CDCP1: variants seen among roughly 807,000 people sequenced by gnomAD.
CDCP1 encodes the protein CUB domain containing protein 1.
In CDCP1, 29 loss-of-function variants were observed where a neutral mutation model predicts 60.2. The ratio of observed to expected loss-of-function variants is 0.48; its 90% CI spans 0.36 to 0.66. The LOEUF is 0.66. Among genes scored for constraint, CDCP1 ranks in the 30% least tolerant of loss-of-function variants. The pLI, the probability that CDCP1 is intolerant of heterozygous loss-of-function variation, is 0.00. For missense variants in CDCP1, 876 were observed against 1,074.3 expected, an observed-to-expected ratio of 0.82 and a Z score of 2.58; for synonymous variants, 387 against 431.1, an observed-to-expected ratio of 0.90 and a Z score of 1.27.
At chr3:45,101,484 T>G (rs1698484337) in intron 4 of CDCP1, among the ~76,000 whole-genome samples, 1 of 152,178 alleles carries the variant, frequency 6.6e-6, no homozygotes, top group South Asian at 2.1e-4. Context: ...GGGACTGGCT[T>G]CATGCAGCTC....
chr3:45,126,192 C>CGCTT (rs1698995213), intron 1 of CDCP1, among the ~76,000 whole-genome samples: 1 of 36,690 alleles, frequency 2.7e-5, no homozygotes, highest in Non-Finnish European at 5.4e-5. Flanking sequence ...CTCTCTCTCT[C>CGCTT]TCTTTCTTTC....
chr3:45,136,411 A>G (rs76360166), intron 1 of CDCP1, among the ~76,000 whole-genome samples: 302 of 152,366 alleles, frequency 2.0e-3, no homozygotes, highest in Non-Finnish European at 2.8e-3. Flanking sequence ...GAACAAAACT[A>G]GCTAGAAAAT....
At chr3:45,103,585 A>C (rs991564691) in intron 4 of CDCP1, among the ~76,000 whole-genome samples, 1 of 152,150 alleles carries the variant, frequency 6.6e-6, no homozygotes, top group Non-Finnish European at 1.5e-5. Context: ...CCAGTGGGGC[A>C]ATGTTGGGAG....
chr3:45,145,702 ATGCGGAC>A (rs972032265), intron 1 of CDCP1, among the ~76,000 whole-genome samples: 4 of 152,188 alleles, frequency 2.6e-5, no homozygotes, highest in African/African-American at 9.7e-5. Flanking sequence ...CTAGTGGGAA[ATGCGGAC>A]GTGAAAGCAC....
At chr3:45,129,584 A>G (rs763723271) in intron 1 of CDCP1, among the ~76,000 whole-genome samples, 3 of 152,250 alleles carry the variant, frequency 2.0e-5, no homozygotes, top group African/African-American at 7.2e-5. Flanking sequence ...CACGAGGACC[A>G]TGAAAGTCAC....
intron 4 of CDCP1, among the ~76,000 whole-genome samples, chr3:45,098,552 CT>C (rs1341004476): frequency 6.6e-6 from 1 of 152,000 alleles, no homozygotes; most frequent in African/African-American, 2.4e-5. Flanking sequence ...TGGCTTCCCA[CT>C]CAGGAAGATG....
chr3:45,089,233 C>T (rs7618923), intron 7 of CDCP1, 92 bp from the exon 8 acceptor site: 168,286 of 981,154 alleles, frequency 0.17, 16,066 homozygotes, highest in African/African-American at 0.28. Flanking sequence ...GCTGCCATCT[C>T]TCCAAAGGTG....
rs35353149 is a variant in CDCP1, at chr3:45,091,380, C to T, written c.1786G>A (p.Gly596Ser). The change falls in exon 7 of 9, where the codon GGC becomes AGC. Residue 596 changes from glycine to serine, a missense_variant. Physicochemically the swap from Gly to Ser is moderately conservative, Grantham distance 56. Coordinates refer to ENST00000296129, the MANE Select transcript of CDCP1 (RefSeq NM_022842.5). The surrounding 1 kb of genome is among the most constrained non-coding windows in gnomAD (Gnocchi z 4.8). The part of the protein sequence containing the change: ...ACLTFFKERS[G>S]VVCQTGRAFM... ...GCGCGCCCTGTCTGGCAGACCACGCCGCTCCGCTCCTTAAAGAAAGTCAGG... is the reference window on the plus strand; with the variant it reads ...GCGCGCCCTGTCTGGCAGACCACGCTGCTCCGCTCCTTAAAGAAAGTCAGG... The T allele has an allele frequency of 2.3e-3, 3,651 of 1,614,134 alleles. 43 individuals carry two copies. The African/African-American group carries it at 0.035, about 15-fold the overall frequency.
chr3:45,085,946 C>A lies in CDCP1; in HGVS notation c.2203G>T (p.Ala735Ser). 1.9e-6 allele frequency: 3 copies of A among 1,614,220 alleles called. No individual in the cohort carries two copies. Among genetic ancestry groups the A allele is most frequent in the Non-Finnish European group, 2.5e-6 (3 of 1,180,058 alleles). ...GRKDNDSHVY[A>S]VIEDTMVYGH... ...TATACCATGGTGTCCTCGATGACTGCATACACATGGGAGTCATTGTCCTTT... is the reference window on the plus strand; with the variant it reads ...TATACCATGGTGTCCTCGATGACTGAATACACATGGGAGTCATTGTCCTTT... The change falls in exon 9 of 9, where the codon GCA becomes TCA. Residue 735 changes from alanine to serine, a missense_variant. Coordinates refer to ENST00000296129, the MANE Select transcript of CDCP1 (RefSeq NM_022842.5). The surrounding 1 kb of genome is among the most constrained non-coding windows in gnomAD (Gnocchi z 4.2).
Position 45,085,318 on chromosome 3 carries a change from ACT to A in CDCP1, c.*318_*319del, listed in dbSNP as rs1698169254. The A allele has an allele frequency of 3.5e-6, 1 of 285,488 alleles. No individual in the cohort carries two copies. The highest frequency in any genetic ancestry group is 6.6e-6 in the Non-Finnish European group (1 of 151,132). 17.7% of individuals were successfully genotyped at this position (285,488 alleles called of 1,614,324 possible). A position where few individuals can be genotyped will look rare whatever the true frequency, so the allele number is the denominator to read the frequency against. ...TGAAGAGGGCAAGCCTCTGTTTAAC[ACT>A]CTGAATCCAGGGCTTGCTGCAACCC... On this transcript the variant is annotated 3_prime_UTR_variant, in exon 9 of 9. Coordinates refer to ENST00000296129, the MANE Select transcript of CDCP1 (RefSeq NM_022842.5). This position sits in a 1 kb window ranked among gnomAD's most constrained non-coding sequence, Gnocchi z 4.2.
intron 1 of CDCP1, among the ~76,000 whole-genome samples, chr3:45,140,534 G>A (rs1333165775): frequency 1.3e-5 from 2 of 152,194 alleles, no homozygotes; most frequent in East Asian, 1.9e-4. Flanking sequence ...CTATGACCGA[G>A]CTGGGTTCTG....
intron 1 of CDCP1, among the ~76,000 whole-genome samples, chr3:45,143,152 C>A (rs2005914): frequency 1.3e-5 from 2 of 151,858 alleles, no homozygotes; most frequent in African/African-American, 4.8e-5. Flanking sequence ...TGCAGTGAGC[C>A]GAGATCGCGC....
At chr3:45,127,755 A>G (rs889021674) in intron 1 of CDCP1, among the ~76,000 whole-genome samples, 4 of 152,090 alleles carry the variant, frequency 2.6e-5, no homozygotes, top group African/African-American at 9.7e-5. Context: ...CCTTATTCCC[A>G]TGGCTGGTTT....
rs368493580 is a variant in CDCP1, at chr3:45,091,300, G to C, written c.1866C>G (p.Asp622Glu). 2 of 1,614,034 alleles carry C rather than the reference G, an allele frequency of 1.2e-6. No homozygotes were observed. ...RTRAEEIFSL[D>E]EDVLPKPSFH... ...AGCTTGGCTTGGGGAGCACATCCTC[G>C]TCCAGGCTGAAGATCTCCTCAGCCC... Residue 622 changes from aspartate (D) to glutamate (E), a missense_variant, in exon 7 of 9, where the codon GAC becomes GAG. By Grantham distance (45) the Asp-to-Glu change is conservative. Transcript: ENST00000296129. This position sits in a 1 kb window ranked among gnomAD's most constrained non-coding sequence, Gnocchi z 4.8.
At chr3:45,087,758 G>A (rs894118249) in intron 8 of CDCP1, among the ~76,000 whole-genome samples, 1 of 152,170 alleles carries the variant, frequency 6.6e-6, no homozygotes, top group Non-Finnish European at 1.5e-5. Flanking sequence ...GGTGGCTCAC[G>A]CCTGTAATCT....
intron 1 of CDCP1, among the ~76,000 whole-genome samples, chr3:45,141,397 T>G (rs372281959): frequency 6.6e-6 from 1 of 152,240 alleles, no homozygotes; most frequent in Non-Finnish European, 1.5e-5. Flanking sequence ...TATCTTCCTG[T>G]TTTTCATCAC....
At chr3:45,108,485 G>A (rs1034034756) in intron 4 of CDCP1, among the ~76,000 whole-genome samples, 8 of 152,034 alleles carry the variant, frequency 5.3e-5, no homozygotes, top group Non-Finnish European at 1.0e-4. Flanking sequence ...CCCAGCTGAT[G>A]TTACAGTTAG....
chr3:45,118,254 C>G (rs920946007), intron 2 of CDCP1, among the ~76,000 whole-genome samples, 158 bp downstream of exon 2: 4 of 152,202 alleles, frequency 2.6e-5, no homozygotes, highest in Admixed American at 2.6e-4. Flanking sequence ...ATTTAGAACT[C>G]TAACTGGCCA....
At position 45,126,171 on chromosome 3, in the gene CDCP1, TTTCC is replaced by T. The variant is rs1553611017; in HGVS notation, c.83-7554_83-7551del. ...CTTTCTTTCTTTCTTTCTTTCTTTC[TTTCC>T]TTCTTTCTCTCTCTCTCTCTTTCTT... On this transcript the variant is annotated intron_variant, in intron 1 of 8. Transcript: ENST00000296129. Among the ~76,000 whole-genome samples, 7 of 140,042 alleles carry T rather than the reference TTTCC, an allele frequency of 5.0e-5. 1 individual carries two copies. The highest frequency in any genetic ancestry group is 4.5e-4 in the East Asian group (2 of 4,470). 91.9% of individuals were successfully genotyped at this position (140,042 alleles called of 152,430 possible).
Sources: allele counts gnomAD v4.1 joint callset (sites outside exome capture counted in the v4.1 genomes callset), GRCh38; gene constraint gnomAD v4.1.1; non-coding constraint Gnocchi (gnomAD v3.1); transcripts MANE v1.5; gene names NCBI Gene and HGNC (gene_info 2026-07-23, HGNC 2026-07-21).